RFX3: variants seen among roughly 807,000 people sequenced by gnomAD.
RFX3 encodes the protein regulatory factor X3.
Under a neutral mutation model 98.6 loss-of-function variants are expected in RFX3, and 14 were observed. The ratio of observed to expected loss-of-function variants is 0.14; its 90% CI spans 0.09 to 0.22. The LOEUF is 0.22. Among genes scored for constraint, RFX3 ranks in the 10% least tolerant of loss-of-function variants. The probability of loss-of-function intolerance (pLI) is 1.00; values close to 1 mark genes in which losing one functional copy is unlikely to be tolerated. For synonymous variants in RFX3, 383 were observed against 328.4 expected (o/e 1.17, Z -1.80); for missense variants, 639 against 926.9 (o/e 0.69, Z 4.03).
intron 9 of RFX3, among the ~76,000 whole-genome samples, chr9:3,273,552 A>G (rs1824788135): frequency 1.3e-5 from 2 of 152,104 alleles, no homozygotes; most frequent in Non-Finnish European, 2.9e-5. Context: ...TTCTTAATAA[A>G]TAGGAGAAAT....
intron 1 of RFX3, among the ~76,000 whole-genome samples, chr9:3,461,668 AAG>A (rs1012671118): frequency 6.6e-6 from 1 of 151,984 alleles, no homozygotes; most frequent in African/African-American, 2.4e-5. Flanking sequence ...GAGAATGTAC[AAG>A]AGACTTCACA....
Position 3,423,422 on chromosome 9 carries a change from C to A in RFX3, c.-8-27826G>T, listed in dbSNP as rs191028293. ...TGAATGGACAAACTGTAGTATACTC[C>A]TAAAATGAAATACTACTCTGGAATA... On this transcript the variant is annotated intron_variant, in intron 1 of 16. Transcript: ENST00000617270. Among the ~76,000 whole-genome samples the A allele has an allele frequency of 2.8e-3, 420 of 152,198 alleles. 3 individuals are homozygous for A. Among genetic ancestry groups the A allele is most frequent in the African/African-American group, 9.7e-3 (403 of 41,526 alleles).
At chr9:3,419,872 T>A (rs1008193714) in intron 1 of RFX3, among the ~76,000 whole-genome samples, 25 of 152,336 alleles carry the variant, frequency 1.6e-4, no homozygotes, top group South Asian at 4.1e-4. Context: ...ATATTTTCAA[T>A]CCATAATTGG....
At chr9:3,394,576 C>A (rs981602866) in intron 2 of RFX3, among the ~76,000 whole-genome samples, 8 of 152,180 alleles carry the variant, frequency 5.3e-5, no homozygotes, top group Non-Finnish European at 8.8e-5. Flanking sequence ...AATTCTATAT[C>A]CTGTAAAGAA....
chr9:3,291,199 T>C (rs1240572472), intron 6 of RFX3, among the ~76,000 whole-genome samples: 2 of 151,930 alleles, frequency 1.3e-5, no homozygotes, highest in Non-Finnish European at 2.9e-5. Context: ...ACCCCATCTC[T>C]ACTAAAAACA....
chr9:3,405,209 A>T (rs1286532941), intron 1 of RFX3, among the ~76,000 whole-genome samples: 1 of 152,168 alleles, frequency 6.6e-6, no homozygotes, highest in Non-Finnish European at 1.5e-5. Context: ...ACAGAAAAAA[A>T]AACCAAAACA....
chr9:3,398,130 AAC>A (rs368840876), intron 1 of RFX3, among the ~76,000 whole-genome samples: 10 of 151,286 alleles, frequency 6.6e-5, no homozygotes, highest in African/African-American at 2.2e-4. Flanking sequence ...CTGATCTCCA[AAC>A]ACACACACAC....
intron 1 of RFX3, among the ~76,000 whole-genome samples, chr9:3,451,837 T>G (rs1846665704): frequency 6.6e-6 from 1 of 152,006 alleles, no homozygotes. Flanking sequence ...TTAAAAGTTT[T>G]TTTTTTTTTT....
At chr9:3,378,187 C>T (rs977992832) in intron 2 of RFX3, among the ~76,000 whole-genome samples, 2 of 152,128 alleles carry the variant, frequency 1.3e-5, no homozygotes, top group Non-Finnish European at 2.9e-5. Context: ...GAGCCAACTT[C>T]TTATTTAGGT....
At chr9:3,445,975 T>G (rs73639895) in intron 1 of RFX3, among the ~76,000 whole-genome samples, 2,039 of 152,236 alleles carry the variant, frequency 0.013, 35 homozygotes, top group African/African-American at 0.042. Flanking sequence ...GTACCTCCTT[T>G]TACATGTACA....
intron 1 of RFX3, among the ~76,000 whole-genome samples, chr9:3,410,918 G>GTTAT (rs1364480768): frequency 1.3e-5 from 2 of 152,074 alleles, no homozygotes; most frequent in Admixed American, 6.6e-5. Context: ...TTACATAAAA[G>GTTAT]CAGTATTTCT....
intron 9 of RFX3, among the ~76,000 whole-genome samples, chr9:3,271,466 T>G (rs1244462006): frequency 7.3e-6 from 1 of 136,772 alleles, no homozygotes; most frequent in Non-Finnish European, 1.6e-5. Flanking sequence ...CCTTCCTTCC[T>G]CCTTTCTTTC....
chr9:3,266,347 A>G, intron 11 of RFX3, 42 bp from the exon 12 acceptor site: 1 of 1,276,420 alleles, frequency 7.8e-7, no homozygotes. Context: ...AAAAGTATGA[A>G]AGAATATTAA....
At chr9:3,245,117 G>A (rs1197003861) in intron 15 of RFX3, among the ~76,000 whole-genome samples, 1 of 152,174 alleles carries the variant, frequency 6.6e-6, no homozygotes, top group East Asian at 1.9e-4. Context: ...ATCAAACAGA[G>A]AACTGTGCAA....
rs1192076687 is a variant in RFX3, at chr9:3,372,121, A to C, written c.117+23351T>G. 2.0e-5 allele frequency among the ~76,000 whole-genome samples: 3 copies of C among 152,288 alleles called. No individual in the cohort carries two copies. The East Asian group carries it at 5.8e-4, about 29-fold the overall frequency. On this transcript the variant is annotated intron_variant, in intron 2 of 16. Transcript: ENST00000617270. ...TACAGCAACTGTATTTCTTTGCCTG[A>C]GAGATTTCTTGGTACCCTAATACCT...
intron 1 of RFX3, among the ~76,000 whole-genome samples, chr9:3,505,141 A>G (rs1228943943): frequency 2.0e-5 from 2 of 98,456 alleles, no homozygotes; most frequent in Admixed American, 1.5e-4. Flanking sequence ...ATATTTATAT[A>G]TTATATGAAT....
intron 1 of RFX3, among the ~76,000 whole-genome samples, chr9:3,459,022 T>C (rs191747380): frequency 1.2e-3 from 176 of 152,292 alleles, no homozygotes; most frequent in African/African-American, 3.9e-3. Context: ...TTCATTTTCT[T>C]GTAAGTGTGC....
In RFX3 at chr9:3,516,160, C is replaced by G. The variant is rs554147143; in HGVS notation, c.-9+9587G>C. 3.6e-4 allele frequency among the ~76,000 whole-genome samples: 55 copies of G among 152,146 alleles called. 1 individual carries two copies. Among genetic ancestry groups the G allele is most frequent in the African/African-American group, 1.3e-3 (54 of 41,520 alleles). Reference sequence around the variant, plus strand: ...ACCTCCTGTATTCACACCATTCTCTCACCTCAGCCTCCCGAGTAGCTAGGA... The same window carrying G: ...ACCTCCTGTATTCACACCATTCTCTGACCTCAGCCTCCCGAGTAGCTAGGA... On this transcript the variant is annotated intron_variant, in intron 1 of 16. Transcript: ENST00000617270.
rs1264311903 is a variant in RFX3 at position 3,414,388 on chromosome 9, A to G, written c.-8-18792T>C. ...AAAATCAGTGAGAAATTAAAAACACAATAGAGTTAGCTTTCATTATTCATA... is the reference window on the plus strand; with the variant it reads ...AAAATCAGTGAGAAATTAAAAACACGATAGAGTTAGCTTTCATTATTCATA... On this transcript the variant is annotated intron_variant, in intron 1 of 16. Coordinates refer to ENST00000617270, the MANE Select transcript of RFX3 (RefSeq NM_001282116.2). 2.5e-4 allele frequency among the ~76,000 whole-genome samples: 38 copies of G among 151,972 alleles called. 1 individual carries two copies. Among genetic ancestry groups the G allele is most frequent in the Admixed American group, 2.5e-3 (38 of 15,226 alleles).
Sources: gnomAD v4.1 joint callset for allele counts (sites outside exome capture counted in the v4.1 genomes callset) on GRCh38, gnomAD v4.1.1 for gene constraint, MANE v1.5 for transcripts, NCBI Gene and HGNC (gene_info 2026-07-23, HGNC 2026-07-21) for gene names.